Variants in ZNF701 observed in about 807,000 individuals in gnomAD.
The protein encoded by ZNF701 is zinc finger protein 701.
In ZNF701, 6 loss-of-function variants were observed where a neutral mutation model predicts 7.1. The observed-to-expected ratio is 0.84, with a 90% CI of 0.46 to 1.66. The LOEUF (loss-of-function observed/expected upper bound fraction) is 1.66, where lower values mean the gene tolerates loss of function less well. Ranked by LOEUF, ZNF701 falls within the 40% of genes most tolerant of loss-of-function variation. The pLI, the probability that ZNF701 is intolerant of heterozygous loss-of-function variation, is 0.01. For synonymous variants in ZNF701, 166 were observed against 188.2 expected, an observed-to-expected ratio of 0.88 and a Z score of 0.97; for missense variants, 541 against 559.2, an observed-to-expected ratio of 0.97 and a Z score of 0.33.
At chr19:52,595,902 G>A in the ZNF701 span, 2 of 1,613,058 alleles carry the variant, frequency 1.2e-6, no homozygotes, top group African/African-American at 1.3e-5. Flanking sequence ...CTTGGATCAA[G>A]CTTTCATTCG....
At position 52,583,180 on chromosome 19, in the gene ZNF701, T is replaced by C; in HGVS notation, c.1121T>C (p.Val374Ala). The change falls in exon 4 of 4, where the codon GTA (valine) becomes GCA (alanine). Residue 374 changes from valine to alanine, a missense_variant. Transcript: ENST00000391785. ...GATTCACACCTGGCACAACATACTG[T>C]AATTCACACTGGAGAGAAACCTTAC... ...RRDSHLAQHT[V>A]IHTGEKPYKC... is the part of the protein sequence containing the mutation. 6.2e-7 allele frequency: 1 copy of C among 1,611,090 alleles called. No individual in the cohort carries two copies. Among genetic ancestry groups the C allele is most frequent in the Non-Finnish European group, 8.5e-7 (1 of 1,179,146 alleles).
the ZNF701 span, chr19:52,592,350 T>A: frequency 9.1e-7 from 1 of 1,094,386 alleles, no homozygotes; most frequent in Non-Finnish European, 1.3e-6. Context: ...GTCATTGTTT[T>A]CTACAGTGAT....
At chr19:52,571,984 A>T (rs1002598965) in intron 1 of ZNF701, among the ~76,000 whole-genome samples, 2 of 151,510 alleles carry the variant, frequency 1.3e-5, no homozygotes, top group East Asian at 3.9e-4. Context: ...CCACCACACC[A>T]GGCTAATTTT....
At chr19:52,589,895 G>T (rs536053230), downstream of ZNF701, among the ~76,000 whole-genome samples, 4 of 152,074 alleles carry the variant, frequency 2.6e-5, no homozygotes, top group East Asian at 7.7e-4. Context: ...CTGGGTTTAA[G>T]TGATTCTCTT....
intron 1 of ZNF701, chr19:52,572,642 T>A: frequency 2.9e-6 from 1 of 348,270 alleles, no homozygotes; most frequent in South Asian, 2.2e-5. Flanking sequence ...AATGTCCCCG[T>A]TCTGAGGATG....
rs564147736 is a variant in ZNF701, at chr19:52,572,773, G to A, written c.-71-1304G>A. On this transcript the variant is annotated intron_variant, in intron 1 of 3. Transcript: ENST00000391785. The stretch of plus-strand genomic sequence containing the variant: ...GTCACTCCACAGCCCTGTGTCCAGG[G>A]CCCCTGCCACTGTCCAGGCTCCTCC... 2.8e-4 allele frequency: 110 copies of A among 390,664 alleles called. 3 individuals are homozygous for A. Among genetic ancestry groups the A allele is most frequent in the South Asian group, 2.1e-3 (107 of 51,400 alleles). The allele number at this position is 390,664 out of a possible 1,614,324, so 24.2% of individuals were successfully genotyped here. A position where few individuals can be genotyped will look rare whatever the true frequency, so the allele number is the denominator to read the frequency against.
intron 3 of ZNF701, among the ~76,000 whole-genome samples, chr19:52,578,648 A>G (rs1052200942): frequency 6.6e-6 from 1 of 152,328 alleles, no homozygotes; most frequent in Admixed American, 6.5e-5. Context: ...GTGAGCCGCC[A>G]AGCTCAACTA....
At position 52,574,178 on chromosome 19, in the gene ZNF701, C is replaced by G; in HGVS notation, c.15+16C>G. Reference sequence around the variant, plus strand: ...TCTTCTTCAGGTGAGATGATATTCTCGGGGGATTGTTCTGTCTCCTTCCTT... The same window carrying G: ...TCTTCTTCAGGTGAGATGATATTCTGGGGGGATTGTTCTGTCTCCTTCCTT... On this transcript the variant is annotated intron_variant, in intron 2 of 3. Transcript: ENST00000391785. 1 of 1,607,410 alleles carries G rather than the reference C, an allele frequency of 6.2e-7. No homozygotes were observed. The highest frequency in any genetic ancestry group is 8.5e-7 in the Non-Finnish European group (1 of 1,175,682).
At chr19:52,596,880 CT>C in the ZNF701 span, 30 of 553,946 alleles carry the variant, frequency 5.4e-5, no homozygotes, top group South Asian at 4.0e-4. Flanking sequence ...ACAATCAAAC[CT>C]TGCACAACAT....
At chr19:52,587,331 C>G (rs1173041800), downstream of ZNF701, among the ~76,000 whole-genome samples, 1 of 152,138 alleles carries the variant, frequency 6.6e-6, no homozygotes, top group Non-Finnish European at 1.5e-5. Flanking sequence ...GACTTCATCT[C>G]CTGCCTGTGT....
At chr19:52,593,357 C>T in the ZNF701 span, among the ~76,000 whole-genome samples, 5 of 113,132 alleles carry the variant, frequency 4.4e-5, 1 homozygote, top group Non-Finnish European at 9.6e-5. Context: ...TAGGCGCGGC[C>T]GGGCAGAGGC....
chr19:52,576,377 C>T lies in ZNF701; in HGVS notation c.142+356C>T, dbSNP rs952214256. 3.3e-5 allele frequency among the ~76,000 whole-genome samples: 5 copies of T among 152,032 alleles called. No homozygotes were observed. In the South Asian group the frequency reaches 6.2e-4, roughly 19 times the overall value. On this transcript the variant is annotated intron_variant, in intron 3 of 3. Coordinates refer to ENST00000391785, the MANE Select transcript of ZNF701 (RefSeq NM_018260.3). ...CCAACATGGAGAAATCCCGTCTCTA[C>T]TAAAAACACAAAAATTAGCCGGGCG...
At chr19:52,592,507 C>T in the ZNF701 span, among the ~76,000 whole-genome samples, 2 of 152,284 alleles carry the variant, frequency 1.3e-5, no homozygotes, top group Admixed American at 6.5e-5. Flanking sequence ...AGGCCCTGAG[C>T]GGAATTGTCA....
intron 3 of ZNF701, 40 bp downstream of exon 3, chr19:52,576,061 G>A (rs748647230): frequency 1.2e-6 from 2 of 1,604,506 alleles, no homozygotes; most frequent in Non-Finnish European, 1.7e-6. Flanking sequence ...ATGTGCCCTT[G>A]TGGATCTTTG....
At chr19:52,587,681 G>C (rs1480575769), downstream of ZNF701, among the ~76,000 whole-genome samples, 1 of 152,242 alleles carries the variant, frequency 6.6e-6, no homozygotes, top group African/African-American at 2.4e-5. Flanking sequence ...AGCAGAATCA[G>C]AAGGTGGGGC....
chr19:52,574,807 G>A (rs990516025), intron 2 of ZNF701, among the ~76,000 whole-genome samples: 2 of 152,142 alleles, frequency 1.3e-5, no homozygotes, highest in Admixed American at 6.5e-5. Flanking sequence ...GGAGACAGTG[G>A]TGTTACTGTG....
intron 1 of ZNF701, among the ~76,000 whole-genome samples, chr19:52,571,396 T>A (rs2059898517): frequency 6.6e-6 from 1 of 151,764 alleles, no homozygotes; most frequent in Non-Finnish European, 1.5e-5. Flanking sequence ...AGAGAGAATT[T>A]AACAGGGAGA....
At chr19:52,576,911 G>A (rs2059938348) in intron 3 of ZNF701, among the ~76,000 whole-genome samples, 4 of 152,118 alleles carry the variant, frequency 2.6e-5, no homozygotes, top group Admixed American at 2.6e-4. Context: ...AACTCCAGAT[G>A]GGTGGGAATG....
rs148394485 is a variant in ZNF701 at position 52,582,958 on chromosome 19, G to T, written c.899G>T (p.Cys300Phe). 8.1e-6 allele frequency: 13 copies of T among 1,613,994 alleles called. No homozygotes were observed. The East Asian group carries it at 2.9e-4, about 36-fold the overall frequency. The change falls in exon 4 of 4, where the codon TGT becomes TTT. Residue 300 changes from cysteine (C) to phenylalanine (F), a missense_variant. Coordinates refer to ENST00000391785, the MANE Select transcript of ZNF701 (RefSeq NM_018260.3). ...AIHTGEKPYK[C>F]NECGKVFNQQ... ...CATACTGGAGAGAAACCTTACAAGT[G>T]TAATGAATGTGGCAAGGTTTTTAAT... is the stretch of plus-strand genomic sequence containing the variant.
Sources: gnomAD v4.1 joint callset for allele counts (sites outside exome capture counted in the v4.1 genomes callset) on GRCh38, gnomAD v4.1.1 for gene constraint, MANE v1.5 for transcripts, NCBI Gene and HGNC (gene_info 2026-07-23, HGNC 2026-07-21) for gene names.